COPRS: variants seen among roughly 807,000 people sequenced by gnomAD.
The protein encoded by COPRS is coordinator of PRMT5 and differentiation stimulator, also known as cooperator of PRMT5.
A neutral mutation model predicts 19.9 loss-of-function variants in COPRS; 11 were observed. The ratio of observed to expected loss-of-function variants is 0.55; its 90% CI spans 0.35 to 0.92. The LOEUF is 0.92. Ranked by LOEUF, COPRS falls within the 40% of genes least tolerant of loss-of-function variation. The pLI is 0.01. For synonymous variants in COPRS, 81 were observed against 82.7 expected, an observed-to-expected ratio of 0.98 and a Z score of 0.11; for missense variants, 225 against 229.9, an observed-to-expected ratio of 0.98 and a Z score of 0.14.
intron 2 of COPRS, among the ~76,000 whole-genome samples, chr17:31,855,452 A>G (rs1909310622): frequency 6.6e-6 from 1 of 152,118 alleles, no homozygotes; most frequent in South Asian, 2.1e-4. Flanking sequence ...GTTTGCAGTG[A>G]GCCGAGATAG....
chr17:31,854,512 A>C (rs1909268131), intron 2 of COPRS, among the ~76,000 whole-genome samples: 1 of 152,218 alleles, frequency 6.6e-6, no homozygotes, highest in South Asian at 2.1e-4. Flanking sequence ...TAAAACAAGG[A>C]TACTCACAGC....
Position 31,852,902 on chromosome 17 carries a change from C to G in COPRS, c.295G>C (p.Gly99Arg), listed in dbSNP as rs1299769116. The G allele has an allele frequency of 6.2e-7, 1 of 1,614,114 alleles. No homozygotes were observed. The highest frequency in any genetic ancestry group is 2.2e-5 in the East Asian group (1 of 44,882). ...GELNTWELSE[G>R]TNCPPKEQPG... ...TGTTCCTTGGGTGGACAGTTTGTCC[C>G]TTCTGACAGCTCCCAGGTATTCAGT... The change falls in exon 3 of 4, where the codon GGG (glycine) becomes CGG (arginine). Residue 99 changes from glycine to arginine, a missense_variant. This residue lies in a region of COPRS where 170 missense variants were observed against 171.4 expected (regional missense o/e 0.99). Coordinates refer to ENST00000302362, the MANE Select transcript of COPRS (RefSeq NM_018405.4).
chr17:31,856,449 A>G (rs1013837909), intron 2 of COPRS: 1 of 276,610 alleles, frequency 3.6e-6, no homozygotes, highest in African/African-American at 2.3e-5. Context: ...AAGTTAAACC[A>G]TATCAGAAAT....
intron 1 of COPRS, 21 bp from the exon 2 acceptor site, chr17:31,856,886 T>C (rs757029676): frequency 1.3e-6 from 2 of 1,516,448 alleles, no homozygotes; most frequent in South Asian, 1.1e-5. Context: ...AAGAAATGAT[T>C]ACCAAGGACT....
Position 31,855,294 on chromosome 17 carries a change from G to A in COPRS, c.166+1505C>T, listed in dbSNP as rs537438864. Among the ~76,000 whole-genome samples the A allele has an allele frequency of 2.0e-5, 3 of 152,062 alleles. No individual in the cohort carries two copies. In the East Asian group the frequency reaches 5.8e-4, roughly 30 times the overall value. On this transcript the variant is annotated intron_variant, in intron 2 of 3. Coordinates refer to ENST00000302362, the MANE Select transcript of COPRS (RefSeq NM_018405.4). ...TGGGTGGCCAAGGAGGGCAGATCAC[G>A]AGGTCAGGAGATCGAGACCATCCTA...
intron 1 of COPRS, chr17:31,858,739 C>T: frequency 6.5e-7 from 1 of 1,549,898 alleles, no homozygotes; most frequent in East Asian, 2.4e-5. Context: ...AGTCAAGTCC[C>T]TCTCCTCGCC....
At chr17:31,858,973 G>C in intron 1 of COPRS, 128 bp downstream of exon 1, 1 of 1,364,884 alleles carries the variant, frequency 7.3e-7, no homozygotes, top group Non-Finnish European at 9.4e-7. Flanking sequence ...AGCGCTCCGT[G>C]TCGCGGGGCG....
intron 3 of COPRS, 43 bp from the exon 4 acceptor site, chr17:31,852,351 G>C: frequency 6.6e-7 from 1 of 1,504,626 alleles, no homozygotes; most frequent in Non-Finnish European, 9.1e-7. Flanking sequence ...AGGAAGGAGG[G>C]AAGGAAGGAA....
intron 1 of COPRS, chr17:31,858,305 G>C: frequency 1.1e-6 from 1 of 920,500 alleles, no homozygotes; most frequent in Admixed American, 6.2e-5. Context: ...GACAAAATTA[G>C]TCCCATTCTA....
rs768505187 is a variant in COPRS, at chr17:31,852,886, G to C, written c.311C>G (p.Pro104Arg). 1.9e-6 allele frequency: 3 copies of C among 1,614,070 alleles called. No homozygotes were observed. Among genetic ancestry groups the C allele is most frequent in the Non-Finnish European group, 1.7e-6 (2 of 1,180,000 alleles). The part of the protein sequence containing the change: ...WELSEGTNCP[P>R]KEQPGDLFNE... Reference sequence around the variant, plus strand: ...AAAAAGATCGCCAGGCTGTTCCTTGGGTGGACAGTTTGTCCCTTCTGACAG... The same window carrying C: ...AAAAAGATCGCCAGGCTGTTCCTTGCGTGGACAGTTTGTCCCTTCTGACAG... Residue 104 changes from proline to arginine, a missense_variant, in exon 3 of 4, where the codon CCC (proline) becomes CGC (arginine). Physicochemically the swap from Pro to Arg is moderately radical, Grantham distance 103 (BLOSUM62 -2). This residue lies in a region of COPRS where 170 missense variants were observed against 171.4 expected (regional missense o/e 0.99). Coordinates refer to ENST00000302362, the MANE Select transcript of COPRS (RefSeq NM_018405.4).
Position 31,853,030 on chromosome 17 carries a change from G to A in COPRS, c.167C>T (p.Ala56Val), listed in dbSNP as rs1240104552. ...RETEKAMDRL[A>V]RGTQSIPNDS... ...ATTAGGAATGCTCTGTGTTCCACGG[G>A]CTAAATTGACAAAGAGAAGATGGCC... is the stretch of plus-strand genomic sequence containing the variant. Residue 56 changes from alanine to valine, a missense_variant and splice_region_variant, in exon 3 of 4, where the codon GCC becomes GTC. By Grantham distance (64) the Ala-to-Val change is moderately conservative (BLOSUM62 0). Around this residue, in one of 3 missense-constraint regions of COPRS, gnomAD observed 170 missense variants for 171.4 expected, o/e 0.99. Coordinates refer to ENST00000302362, the MANE Select transcript of COPRS (RefSeq NM_018405.4). 6.2e-7 allele frequency: 1 copy of A among 1,610,616 alleles called. No individual in the cohort carries two copies. Among genetic ancestry groups the A allele is most frequent in the Non-Finnish European group, 8.5e-7 (1 of 1,177,048 alleles).
Position 31,852,935 on chromosome 17 carries a change from CAG to C in COPRS, c.260_261del (p.Ser87Ter). ...AGCTCCCAGGTATTCAGTTCTCCAT[CAG>C]AGTCCTCCTCATCCATGGCAAAGCC... ...EEGFAMDEED[S>X]DGELNTWELS... On this transcript the variant is annotated frameshift_variant, in exon 3 of 4. Coordinates refer to ENST00000302362, the MANE Select transcript of COPRS (RefSeq NM_018405.4). LOFTEE classifies it high-confidence loss of function. The C allele has an allele frequency of 1.2e-6, 2 of 1,614,062 alleles. No homozygotes were observed. The highest frequency in any genetic ancestry group is 1.1e-5 in the South Asian group (1 of 91,086).
chr17:31,852,220 G>C lies in COPRS; in HGVS notation c.474C>G (p.Ser158Arg). The C allele has an allele frequency of 6.2e-7, 1 of 1,614,130 alleles. No individual in the cohort carries two copies. The highest frequency in any genetic ancestry group is 8.5e-7 in the Non-Finnish European group (1 of 1,179,982). The change falls in exon 4 of 4, where the codon AGC becomes AGG. Residue 158 changes from serine to arginine, a missense_variant. By Grantham distance (110) the Ser-to-Arg change is moderately radical. This residue lies in a region of COPRS where 170 missense variants were observed against 171.4 expected (regional missense o/e 0.99). Transcript: ENST00000302362. ...GTATCAGTGGAGGCGGATGGTGCCA[G>C]CTGGGGTCATAGATCATGTCTCCTT... ...APQGDMIYDPSWHHPPPLIPY... is the reference protein window; with the variant it reads ...APQGDMIYDPRWHHPPPLIPY...
Position 31,859,211 on chromosome 17 carries a change from C to G in COPRS, c.-12G>C. ...GCCTGAAGGTCCATGCCCTGCGGCC[C>G]GCGGCTGGTCGCCCTGGACGCCGTG... is the stretch of plus-strand genomic sequence containing the variant. On this transcript the variant is annotated 5_prime_UTR_variant, in exon 1 of 4. Coordinates refer to ENST00000302362, the MANE Select transcript of COPRS (RefSeq NM_018405.4). The G allele has an allele frequency of 9.7e-7, 1 of 1,030,524 alleles. No homozygotes were observed. The highest frequency in any genetic ancestry group is 4.5e-5 in the South Asian group (1 of 22,316). 63.8% of individuals were successfully genotyped at this position (1,030,524 alleles called of 1,614,324 possible).
At chr17:31,852,365 A>G in intron 3 of COPRS, 57 bp from the exon 4 acceptor site, 1 of 1,423,604 alleles carries the variant, frequency 7.0e-7, no homozygotes, top group East Asian at 2.3e-5. Flanking sequence ...GAAGGAAGGT[A>G]AAAACGGACA....
chr17:31,852,042 T>A lies in COPRS; in HGVS notation c.*97A>T. On this transcript the variant is annotated 3_prime_UTR_variant, in exon 4 of 4. Coordinates refer to ENST00000302362, the MANE Select transcript of COPRS (RefSeq NM_018405.4). ...CTGTGTACCCCAGACTAGGGGTCACTGCAAACATTTTCTCAGATATGACTT... is the reference window on the plus strand; with the variant it reads ...CTGTGTACCCCAGACTAGGGGTCACAGCAAACATTTTCTCAGATATGACTT... 6.8e-7 allele frequency: 1 copy of A among 1,465,462 alleles called. No homozygotes were observed. The highest frequency in any genetic ancestry group is 1.7e-5 in the Admixed American group (1 of 57,224). 90.8% of individuals were successfully genotyped at this position (1,465,462 alleles called of 1,614,324 possible). A position where few individuals can be genotyped will look rare whatever the true frequency, so the allele number is the denominator to read the frequency against.
At chr17:31,853,127 A>G in intron 2 of COPRS, 97 bp from the exon 3 acceptor site, 6 of 839,908 alleles carry the variant, frequency 7.1e-6, no homozygotes, top group Non-Finnish European at 1.2e-5. Context: ...AAGGTAGTAA[A>G]ACAAGTGCAC....
chr17:31,853,382 CTT>C (rs397764121), intron 2 of COPRS, among the ~76,000 whole-genome samples: 28 of 139,720 alleles, frequency 2.0e-4, no homozygotes, highest in Admixed American at 1.4e-4. Context: ...AGTTTTTGCT[CTT>C]TTTTTTTTTT....
rs1164574796 is a variant in COPRS, at chr17:31,859,237, G to A, written c.-38C>T. 3.2e-6 allele frequency: 3 copies of A among 947,360 alleles called. No individual in the cohort carries two copies. Among genetic ancestry groups the A allele is most frequent in the Non-Finnish European group, 3.9e-6 (3 of 778,386 alleles). The allele number at this position is 947,360 out of a possible 1,614,324, so 58.7% of individuals were successfully genotyped here. On this transcript the variant is annotated 5_prime_UTR_variant, in exon 1 of 4. Transcript: ENST00000302362. ...GCGGCTGGTCGCCCTGGACGCCGTG[G>A]GCCACGTGACGCGCCGGCCCGGCTG...
Sources: gnomAD v4.1 joint callset for allele counts (sites outside exome capture counted in the v4.1 genomes callset) on GRCh38, gnomAD v4.1.1 for gene constraint, gnomAD v4.1.1 regional missense constraint, MANE v1.5 for transcripts, NCBI Gene and HGNC (gene_info 2026-07-23, HGNC 2026-07-21) for gene names.